The following HERC2 variants were observed in gnomAD, a reference collection of about 807,000 sequenced individuals.
The protein encoded by HERC2 is HECT and RLD domain containing E3 ubiquitin protein ligase 2.
In HERC2, 102 loss-of-function variants were observed where a neutral mutation model predicts 537.7. The ratio of observed to expected loss-of-function variants is 0.19; its 90% CI spans 0.16 to 0.22. The LOEUF (loss-of-function observed/expected upper bound fraction) is 0.22. Among genes scored for constraint, HERC2 ranks in the 10% least tolerant of loss-of-function variants. The probability of loss-of-function intolerance (pLI) is 1.00; values close to 1 mark genes in which losing one functional copy is unlikely to be tolerated. For synonymous variants in HERC2, 2,224 were observed against 2,466.2 expected (o/e 0.90, Z 2.91); for missense variants, 4,236 against 6,198.2 (o/e 0.68, Z 10.63).
chr15:28,167,911 T>G (rs1894311798), intron 67 of HERC2, 84 bp from the exon 68 acceptor site: 3 of 1,435,292 alleles, frequency 2.1e-6, no homozygotes, highest in Non-Finnish European at 2.8e-6. Context: ...CCCAAATGCT[T>G]TACCTAAAAC....
Position 28,265,590 on chromosome 15 carries a change from T to G in HERC2, c.1870+28A>C, listed in dbSNP as rs778322124. The G allele has an allele frequency of 1.3e-6, 2 of 1,585,760 alleles. No homozygotes were observed. On this transcript the variant is annotated intron_variant, in intron 14 of 92. Transcript: ENST00000261609. This position sits in a 1 kb window ranked among gnomAD's most constrained non-coding sequence, Gnocchi z 4.0. ...GCTGCCATGCGTGTCCTCGTGGGCC[T>G]GTCCAGGGTGGCGAGAGCTCTACGT...
chr15:28,125,244 G>A (rs764068422), intron 83 of HERC2, 51 bp from the exon 84 acceptor site: 5 of 1,456,126 alleles, frequency 3.4e-6, no homozygotes, highest in Middle Eastern at 1.7e-4. Context: ...GCCAACAAAC[G>A]CATGGCTGCC....
chr15:28,144,027 T>A (rs1407420649), intron 73 of HERC2, 36 bp from the exon 74 acceptor site: 2 of 1,614,110 alleles, frequency 1.2e-6, no homozygotes, highest in South Asian at 2.2e-5. Context: ...AGAAGTCTGA[T>A]GGTTTCTTCC....
intron 44 of HERC2, among the ~76,000 whole-genome samples, chr15:28,209,551 G>T (rs1898894989): frequency 1.3e-5 from 2 of 152,220 alleles, no homozygotes; most frequent in South Asian, 4.2e-4. Flanking sequence ...CACCGTGTTA[G>T]CCAGGATGGT....
At chr15:28,118,469 C>T (rs1888521130) in intron 86 of HERC2, 1 of 152,232 alleles carries the variant, frequency 6.6e-6, no homozygotes, top group Non-Finnish European at 1.5e-5. Flanking sequence ...CCTAAATTTT[C>T]AGAAATGTGC....
intron 78 of HERC2, among the ~76,000 whole-genome samples, chr15:28,140,568 C>T (rs1443993543): frequency 6.6e-6 from 1 of 152,128 alleles, no homozygotes; most frequent in Non-Finnish European, 1.5e-5. Context: ...GTCACCCAGG[C>T]TGGAGTGCAG....
intron 45 of HERC2, chr15:28,203,494 T>C (rs1352586445): frequency 6.6e-6 from 1 of 152,096 alleles, no homozygotes; most frequent in Non-Finnish European, 1.5e-5. Flanking sequence ...AGAGTTAGGA[T>C]GCACTGGACT....
At chr15:28,245,562 TATATACACACAC>T (rs1177650748) in intron 23 of HERC2, among the ~76,000 whole-genome samples, 3 of 62,904 alleles carry the variant, frequency 4.8e-5, no homozygotes, top group African/African-American at 1.1e-4. Flanking sequence ...AAAAAAAAAA[TATATACACACAC>T]ACACACACAC....
intron 30 of HERC2, among the ~76,000 whole-genome samples, chr15:28,230,986 A>G (rs1901776827): frequency 6.6e-6 from 1 of 151,892 alleles, no homozygotes; most frequent in Non-Finnish European, 1.5e-5. Flanking sequence ...AAAAGGTCTT[A>G]GTCCATGGGC....
At chr15:28,180,738 T>A (rs1477613442) in intron 57 of HERC2, among the ~76,000 whole-genome samples, 1 of 152,216 alleles carries the variant, frequency 6.6e-6, no homozygotes, top group Non-Finnish European at 1.5e-5. Flanking sequence ...TGAAAATATT[T>A]TTTATTGCAC....
chr15:28,264,871 G>A (rs1277660764), intron 14 of HERC2, among the ~76,000 whole-genome samples: 4 of 151,964 alleles, frequency 2.6e-5, no homozygotes, highest in African/African-American at 7.3e-5. Context: ...ACTCACAAAA[G>A]CAGAAACAAC....
intron 2 of HERC2, among the ~76,000 whole-genome samples, chr15:28,312,140 C>T (rs1334306931): frequency 6.6e-6 from 1 of 152,308 alleles, no homozygotes; most frequent in Non-Finnish European, 1.5e-5. Flanking sequence ...ATTCAAAAAA[C>T]TATTTGGGCA....
chr15:28,178,044 T>C (rs1279035776), intron 59 of HERC2, among the ~76,000 whole-genome samples: 1 of 152,208 alleles, frequency 6.6e-6, no homozygotes, highest in Non-Finnish European at 1.5e-5. Flanking sequence ...TACAGTGAGT[T>C]CCTGCCAACT....
chr15:28,120,572 A>G (rs1888772561), intron 86 of HERC2, among the ~76,000 whole-genome samples: 1 of 152,234 alleles, frequency 6.6e-6, no homozygotes, highest in Non-Finnish European at 1.5e-5. Context: ...GAAGCAGTAT[A>G]CATTTAGAAA....
intron 3 of HERC2, among the ~76,000 whole-genome samples, chr15:28,298,164 T>G (rs920766180): frequency 6.6e-6 from 1 of 151,152 alleles, no homozygotes; most frequent in Non-Finnish European, 1.5e-5. Flanking sequence ...TTTGTTTTTT[T>G]TTTTTTTGAG....
At chr15:28,185,386 C>T (rs1289305800) in intron 56 of HERC2, among the ~76,000 whole-genome samples, 2 of 152,186 alleles carry the variant, frequency 1.3e-5, no homozygotes, top group African/African-American at 4.8e-5. Flanking sequence ...CCCGGTCACA[C>T]TAGCAATCCA....
intron 51 of HERC2, 52 bp from the exon 52 acceptor site, chr15:28,196,406 T>C: frequency 6.6e-7 from 1 of 1,514,832 alleles, no homozygotes; most frequent in Non-Finnish European, 9.1e-7. Flanking sequence ...TAAACTTAAT[T>C]CAACAGAAAA....
At chr15:28,235,619 T>G (rs1300198389) in intron 26 of HERC2, among the ~76,000 whole-genome samples, 1 of 152,234 alleles carries the variant, frequency 6.6e-6, no homozygotes, top group South Asian at 2.1e-4. Context: ...CTGTGTTTTC[T>G]GCCCCGAATG....
intron 55 of HERC2, chr15:28,190,088 A>C (rs981836201): frequency 6.7e-6 from 1 of 148,536 alleles, no homozygotes. Flanking sequence ...GGCTCACTGT[A>C]AGCTCCGCCT....
Sources: gnomAD v4.1 joint callset for allele counts (sites outside exome capture counted in the v4.1 genomes callset) on GRCh38, gnomAD v4.1.1 for gene constraint, Gnocchi (gnomAD v3.1) non-coding constraint, MANE v1.5 for transcripts, NCBI Gene and HGNC (gene_info 2026-07-23, HGNC 2026-07-21) for gene names.